The following SLC35F1 variants were observed in gnomAD, a reference collection of about 807,000 sequenced individuals.
SLC35F1 encodes the protein solute carrier family 35 member F1, also known as chromosome 6 open reading frame 169.
SLC35F1 carries 14 observed loss-of-function variants against 48.7 expected under a neutral mutation model. The observed-to-expected ratio is 0.29, with a 90% CI of 0.19 to 0.45. SLC35F1 has a LOEUF of 0.45. SLC35F1 is among the 20% of genes least tolerant of loss of function. The pLI, the probability that SLC35F1 is intolerant of heterozygous loss-of-function variation, is 1.00. For synonymous variants in SLC35F1, 190 were observed against 202.2 expected (o/e 0.94, Z 0.51); for missense variants, 404 against 500.0 (o/e 0.81, Z 1.83).
intron 2 of SLC35F1, among the ~76,000 whole-genome samples, chr6:118,226,304 T>C (rs1775216968): frequency 6.6e-6 from 1 of 152,194 alleles, no homozygotes; most frequent in South Asian, 2.1e-4. Context: ...CAGATGGAGA[T>C]TCCTCAAAAA....
intron 1 of SLC35F1, among the ~76,000 whole-genome samples, chr6:118,116,554 C>G (rs1170728263): frequency 6.6e-6 from 1 of 152,152 alleles, no homozygotes; most frequent in Non-Finnish European, 1.5e-5. Context: ...AATATCCTCT[C>G]GTTTCCTTTC....
At chr6:118,045,998 A>G (rs1266963863) in intron 1 of SLC35F1, among the ~76,000 whole-genome samples, 3 of 152,174 alleles carry the variant, frequency 2.0e-5, no homozygotes, top group African/African-American at 7.2e-5. Context: ...ACTCAACCAG[A>G]TGGATAGAAA....
rs560665273 is a variant in SLC35F1 at position 118,217,054 on chromosome 6, T to A, written c.350-18455T>A. Reference sequence around the variant, plus strand: ...AACCAAAACAACAGAAAAAAAAAGTTCCCTACAGCTTCATTTATCATTTGA... The same window carrying A: ...AACCAAAACAACAGAAAAAAAAAGTACCCTACAGCTTCATTTATCATTTGA... On this transcript the variant is annotated intron_variant, in intron 2 of 7. Coordinates refer to ENST00000360388, the MANE Select transcript of SLC35F1 (RefSeq NM_001029858.4). 2.8e-4 allele frequency among the ~76,000 whole-genome samples: 43 copies of A among 152,260 alleles called. No individual in the cohort carries two copies. In the South Asian group the frequency reaches 3.5e-3, roughly 12 times the overall value.
chr6:118,239,281 C>T (rs537797399), intron 3 of SLC35F1, among the ~76,000 whole-genome samples: 4 of 150,062 alleles, frequency 2.7e-5, no homozygotes, highest in Non-Finnish European at 5.9e-5. Context: ...TAATTGTATA[C>T]ATTGATTTCC....
chr6:118,291,236 C>T (rs1467200274), intron 7 of SLC35F1, among the ~76,000 whole-genome samples: 2 of 123,674 alleles, frequency 1.6e-5, no homozygotes, highest in African/African-American at 3.3e-5. Context: ...GCAGCTGTAT[C>T]ATGTATACAC....
intron 1 of SLC35F1, among the ~76,000 whole-genome samples, chr6:117,987,742 A>G (rs1165292279): frequency 6.6e-6 from 1 of 152,202 alleles, no homozygotes; most frequent in African/African-American, 2.4e-5. Context: ...AGCTGCTTGG[A>G]TAGTAAAGTG....
At chr6:118,112,905 A>C (rs773061881) in intron 1 of SLC35F1, among the ~76,000 whole-genome samples, 1 of 152,158 alleles carries the variant, frequency 6.6e-6, no homozygotes, top group African/African-American at 2.4e-5. Flanking sequence ...AATGGTCTAA[A>C]TATACCAATT....
chr6:118,267,873 C>T (rs1775796771), intron 4 of SLC35F1, among the ~76,000 whole-genome samples: 1 of 152,064 alleles, frequency 6.6e-6, no homozygotes, highest in African/African-American at 2.4e-5. Context: ...CTTTTTAAAG[C>T]ATTGCAATTC....
At chr6:117,915,299 G>A (rs1012344650) in intron 1 of SLC35F1, among the ~76,000 whole-genome samples, 15 of 152,112 alleles carry the variant, frequency 9.9e-5, no homozygotes, top group African/African-American at 3.4e-4. Context: ...ACATTACATT[G>A]TATGTTTTTC....
At chr6:118,148,601 A>G (rs2114457770) in intron 1 of SLC35F1, among the ~76,000 whole-genome samples, 1 of 152,318 alleles carries the variant, frequency 6.6e-6, no homozygotes, top group South Asian at 2.1e-4. Flanking sequence ...TTTAAAGTGG[A>G]TAGGATGTCC....
chr6:118,153,694 G>A (rs192691928), intron 1 of SLC35F1, among the ~76,000 whole-genome samples: 305 of 152,310 alleles, frequency 2.0e-3, no homozygotes, highest in Non-Finnish European at 3.4e-3. Context: ...TATAGGGGCA[G>A]CGCCTATGAA....
chr6:117,961,853 T>C (rs1043745507), intron 1 of SLC35F1, among the ~76,000 whole-genome samples: 1 of 152,236 alleles, frequency 6.6e-6, no homozygotes, highest in African/African-American at 2.4e-5. Flanking sequence ...TCTTCCTATA[T>C]TTATGTCTAG....
At chr6:118,190,612 C>T (rs1194822670) in intron 2 of SLC35F1, among the ~76,000 whole-genome samples, 1 of 152,050 alleles carries the variant, frequency 6.6e-6, no homozygotes, top group East Asian at 1.9e-4. Context: ...TCTTGTCATT[C>T]CACTTGAAGA....
chr6:118,035,831 G>C (rs1237725215), intron 1 of SLC35F1, among the ~76,000 whole-genome samples: 2 of 3,788 alleles, frequency 5.3e-4, no homozygotes, highest in Non-Finnish European at 1.6e-3. Flanking sequence ...TGGGACTACA[G>C]GCGCCCCCCC....
intron 1 of SLC35F1, among the ~76,000 whole-genome samples, chr6:117,925,533 G>A (rs185945151): frequency 6.6e-6 from 1 of 152,168 alleles, no homozygotes. Flanking sequence ...TCATTATGTG[G>A]GATAATTAAT....
intron 2 of SLC35F1, among the ~76,000 whole-genome samples, chr6:118,163,959 G>T (rs1021535208): frequency 6.6e-6 from 1 of 152,196 alleles, no homozygotes; most frequent in African/African-American, 2.4e-5. Flanking sequence ...CATGAGATTT[G>T]CAGGAAAGAA....
chr6:118,200,529 G>GT (rs1255065116), intron 2 of SLC35F1, among the ~76,000 whole-genome samples: 2 of 152,180 alleles, frequency 1.3e-5, no homozygotes, highest in South Asian at 4.2e-4. Flanking sequence ...TCATACCAGG[G>GT]TTAAGTAATA....
chr6:118,264,123 A>G (rs1471615431), intron 3 of SLC35F1, among the ~76,000 whole-genome samples: 2 of 152,242 alleles, frequency 1.3e-5, no homozygotes, highest in African/African-American at 4.8e-5. Flanking sequence ...CTGAGGAGAT[A>G]CTGCCCTCCA....
intron 1 of SLC35F1, among the ~76,000 whole-genome samples, chr6:117,957,468 G>A (rs967993095): frequency 3.9e-5 from 6 of 152,130 alleles, no homozygotes; most frequent in South Asian, 2.1e-4. Context: ...TTTTAGATGC[G>A]ATCTTGATAG....
Sources: allele counts gnomAD v4.1 joint callset (sites outside exome capture counted in the v4.1 genomes callset), GRCh38; gene constraint gnomAD v4.1.1; transcripts MANE v1.5; gene names NCBI Gene and HGNC (gene_info 2026-07-23, HGNC 2026-07-21).